GALNT13: variants seen among roughly 807,000 people sequenced by gnomAD.
GALNT13 encodes UDP-GalNAc:polypeptide N-acetylgalactosaminyltransferase 13.
Under a neutral mutation model 64.2 loss-of-function variants are expected in GALNT13, and 28 were observed. The ratio of observed to expected loss-of-function variants is 0.44; its 90% CI spans 0.32 to 0.60. The LOEUF (loss-of-function observed/expected upper bound fraction) is 0.60, where lower values mean the gene tolerates loss of function less well. Among genes scored for constraint, GALNT13 ranks in the 20% least tolerant of loss-of-function variants. The pLI is 0.05. For missense variants in GALNT13, 577 were observed against 669.8 expected, an observed-to-expected ratio of 0.86 and a Z score of 1.53; for synonymous variants, 214 against 224.6, an observed-to-expected ratio of 0.95 and a Z score of 0.42.
intron 9 of GALNT13, among the ~76,000 whole-genome samples, chr2:154,358,977 GC>G (rs1380121417): frequency 1.3e-5 from 2 of 152,076 alleles, no homozygotes; most frequent in African/African-American, 4.8e-5. Context: ...ATTTTGATGG[GC>G]AATTTCATCG....
intron 1 of GALNT13, among the ~76,000 whole-genome samples, chr2:153,878,119 A>G (rs1317081871): frequency 1.3e-5 from 2 of 152,194 alleles, no homozygotes; most frequent in Non-Finnish European, 2.9e-5. Flanking sequence ...TTTCTTTTGT[A>G]TAGTAAGAAT....
chr2:153,851,374 A>G, the GALNT13 span, among the ~76,000 whole-genome samples: 1,070 of 152,306 alleles, frequency 7.0e-3, 10 homozygotes, highest in African/African-American at 0.024. Context: ...GACCTTCACT[A>G]CAGAAAATGG....
At chr2:153,283,300 A>G in the GALNT13 span, among the ~76,000 whole-genome samples, 1 of 152,166 alleles carries the variant, frequency 6.6e-6, no homozygotes, top group African/African-American at 2.4e-5. Flanking sequence ...AGCTCTTTGC[A>G]TGGGGAGGGG....
At chr2:153,499,829 C>A in the GALNT13 span, among the ~76,000 whole-genome samples, 2 of 152,206 alleles carry the variant, frequency 1.3e-5, no homozygotes, top group Non-Finnish European at 2.9e-5. Context: ...CACTTCTGAG[C>A]CTCTGGGGTT....
chr2:153,427,081 C>T, the GALNT13 span, among the ~76,000 whole-genome samples: 1 of 151,830 alleles, frequency 6.6e-6, no homozygotes, highest in South Asian at 2.1e-4. Flanking sequence ...ACCAGGAAAA[C>T]ATTTTAAATT....
chr2:153,336,715 T>A, the GALNT13 span, among the ~76,000 whole-genome samples: 1 of 152,144 alleles, frequency 6.6e-6, no homozygotes. Flanking sequence ...GTTAAGACTT[T>A]GGGGGACCAT....
At chr2:153,767,580 G>A in the GALNT13 span, among the ~76,000 whole-genome samples, 1 of 152,110 alleles carries the variant, frequency 6.6e-6, no homozygotes, top group Admixed American at 6.5e-5. Context: ...GTATGTGAAT[G>A]TTCCCTTTAC....
the GALNT13 span, among the ~76,000 whole-genome samples, chr2:153,267,335 A>G: frequency 3.3e-5 from 5 of 152,174 alleles, no homozygotes; most frequent in African/African-American, 1.2e-4. Context: ...GCATTGCCCT[A>G]GTAGAGGTTT....
intron 1 of GALNT13, among the ~76,000 whole-genome samples, chr2:153,885,506 T>C (rs1292413915): frequency 6.6e-6 from 1 of 152,090 alleles, no homozygotes; most frequent in East Asian, 1.9e-4. Context: ...AGATGATTGT[T>C]TAAAAGATCG....
the GALNT13 span, among the ~76,000 whole-genome samples, chr2:153,301,309 C>CAA: frequency 2.4e-4 from 18 of 76,420 alleles, no homozygotes; most frequent in African/African-American, 9.4e-4. Context: ...GACTCCTTCT[C>CAA]AAAAAAAAAG....
At chr2:153,792,134 C>G in the GALNT13 span, among the ~76,000 whole-genome samples, 1 of 152,136 alleles carries the variant, frequency 6.6e-6, no homozygotes, top group Non-Finnish European at 1.5e-5. Flanking sequence ...CCACCATAAA[C>G]TTTTGGCCTT....
the GALNT13 span, among the ~76,000 whole-genome samples, chr2:153,839,901 A>G: frequency 6.6e-6 from 1 of 152,064 alleles, no homozygotes; most frequent in Admixed American, 6.6e-5. Context: ...TGTACTGCCA[A>G]AATAATGAAA....
chr2:153,148,155 T>C, the GALNT13 span, among the ~76,000 whole-genome samples: 518 of 151,990 alleles, frequency 3.4e-3, 4 homozygotes, highest in African/African-American at 0.012. Flanking sequence ...AGAAATACAA[T>C]AGACATAATC....
At chr2:154,171,548 T>C (rs1685349298) in intron 4 of GALNT13, among the ~76,000 whole-genome samples, 2 of 152,090 alleles carry the variant, frequency 1.3e-5, no homozygotes, top group African/African-American at 4.8e-5. Context: ...GCCTGGATAA[T>C]ACAGTTAATA....
the GALNT13 span, among the ~76,000 whole-genome samples, chr2:153,356,287 T>C: frequency 6.6e-6 from 1 of 152,176 alleles, no homozygotes; most frequent in Non-Finnish European, 1.5e-5. Context: ...CTGAGAGTAA[T>C]GATTAAAACT....
Position 153,899,931 on chromosome 2 carries a change from A to AT in GALNT13, c.-176-1004dup, listed in dbSNP as rs770440085. Among the ~76,000 whole-genome samples the AT allele has an allele frequency of 3.6e-3, 371 of 102,486 alleles. 3 individuals are homozygous for AT. The highest frequency in any genetic ancestry group is 5.4e-3 in the Middle Eastern group (1 of 186). The allele number at this position is 102,486 out of a possible 152,430, so 67.2% of individuals were successfully genotyped here. ...GAGATATATACATATATATATATAT[A>AT]TATATTTTTTTTTTTTTTTTTTGAG... On this transcript the variant is annotated intron_variant, in intron 1 of 12. Transcript: ENST00000392825.
At chr2:153,514,086 T>C in the GALNT13 span, among the ~76,000 whole-genome samples, 1 of 152,196 alleles carries the variant, frequency 6.6e-6, no homozygotes, top group Admixed American at 6.5e-5. Flanking sequence ...GGGGAATTCA[T>C]TTTTATTATT....
At chr2:153,193,741 C>T in the GALNT13 span, among the ~76,000 whole-genome samples, 1 of 151,770 alleles carries the variant, frequency 6.6e-6, no homozygotes, top group African/African-American at 2.4e-5. Context: ...CTGTCTTTTG[C>T]TTCCATGTGT....
At chr2:154,227,786 C>G (rs1263504089) in intron 4 of GALNT13, among the ~76,000 whole-genome samples, 1 of 151,982 alleles carries the variant, frequency 6.6e-6, no homozygotes, top group Non-Finnish European at 1.5e-5. Context: ...CCGTTTGCAC[C>G]TGCAGTACTC....
Sources: allele counts gnomAD v4.1 joint callset (sites outside exome capture counted in the v4.1 genomes callset), GRCh38; gene constraint gnomAD v4.1.1; transcripts MANE v1.5; gene names NCBI Gene and HGNC (gene_info 2026-07-23, HGNC 2026-07-21).